TOX: variants seen among roughly 807,000 people sequenced by gnomAD.
The protein encoded by TOX is thymocyte selection associated high mobility group box, also known as thymocyte selection-associated high mobility group box protein TOX.
TOX carries 11 observed loss-of-function variants against 53.7 expected under a neutral mutation model. That is an observed-to-expected ratio of 0.20 (90% CI 0.13 to 0.34). TOX has a LOEUF of 0.34. TOX is among the 10% of genes least tolerant of loss of function. The probability of loss-of-function intolerance (pLI) is 1.00; values close to 1 mark genes in which losing one functional copy is unlikely to be tolerated. For synonymous variants in TOX, 225 were observed against 245.3 expected, an observed-to-expected ratio of 0.92 and a Z score of 0.77; for missense variants, 570 against 664.6, an observed-to-expected ratio of 0.86 and a Z score of 1.56.
intron 1 of TOX, among the ~76,000 whole-genome samples, chr8:59,018,925 T>C (rs1814067625): frequency 6.6e-6 from 1 of 152,192 alleles, no homozygotes; most frequent in South Asian, 2.1e-4. Context: ...CATGGTTGAT[T>C]CTCAATGATT....
At chr8:59,024,532 C>A (rs1814200704) in intron 1 of TOX, among the ~76,000 whole-genome samples, 1 of 152,158 alleles carries the variant, frequency 6.6e-6, no homozygotes, top group Non-Finnish European at 1.5e-5. Context: ...ATCCTACATA[C>A]CTGTCAGGCT....
chr8:58,981,071 T>G (rs1259521153), intron 1 of TOX, among the ~76,000 whole-genome samples: 1 of 152,244 alleles, frequency 6.6e-6, no homozygotes, highest in Non-Finnish European at 1.5e-5. Context: ...AGCTTCATTT[T>G]CTTGTTGTTG....
At chr8:59,014,579 G>A (rs569485215) in intron 1 of TOX, among the ~76,000 whole-genome samples, 1 of 152,222 alleles carries the variant, frequency 6.6e-6, no homozygotes, top group African/African-American at 2.4e-5. Flanking sequence ...AACTTGTGAA[G>A]AGTGGATGGA....
intron 2 of TOX, among the ~76,000 whole-genome samples, chr8:58,951,069 TA>T (rs766462314): frequency 4.7e-4 from 72 of 152,328 alleles, no homozygotes; most frequent in Admixed American, 7.8e-4. Flanking sequence ...GTTATCTCAA[TA>T]CTCTAGAATT....
rs1309691239 is a variant in TOX, at chr8:58,826,877, G to A, written c.950C>T (p.Ala317Val). Residue 317 changes from alanine to valine, a missense_variant, in exon 6 of 9, where the codon GCG becomes GTG. Ala to Val is a moderately conservative substitution (Grantham distance 64). This residue lies in a region of TOX where 49 missense variants were observed against 98.9 expected (regional missense o/e 0.50). Coordinates refer to ENST00000361421, the MANE Select transcript of TOX (RefSeq NM_014729.3). ...KQVYKKKTEAAKKEYLKQLAA... is the reference protein window; with the variant it reads ...KQVYKKKTEAVKKEYLKQLAA... ...GAGTTGCTTCAGGTACTCCTTCTTC[G>A]CAGCCTCGGTTTTCTTTTTATAGAC... 3.1e-6 allele frequency: 5 copies of A among 1,611,542 alleles called. No homozygotes were observed. The highest frequency in any genetic ancestry group is 2.2e-5 in the South Asian group (2 of 90,768).
At chr8:58,915,634 A>G (rs1231546916) in intron 3 of TOX, among the ~76,000 whole-genome samples, 2 of 145,900 alleles carry the variant, frequency 1.4e-5, no homozygotes, top group African/African-American at 5.1e-5. Context: ...AAACTCTAAA[A>G]CGCAGAGCGC....
chr8:58,851,539 G>C lies in TOX; in HGVS notation c.678C>G (p.Gly226=). ...TTATTCATACCTTAGAGGTATCATC[G>C]CCTTCATCTTCATGCACTGAACTGG... ...SPSSSVHEDE[G]DDTSKINGGE... is the part of the protein sequence containing the mutation. Residue 226 remains glycine, a synonymous_variant, in exon 4 of 9, where the codon GGC becomes GGG. Coordinates refer to ENST00000361421, the MANE Select transcript of TOX (RefSeq NM_014729.3). This position sits in a 1 kb window ranked among gnomAD's most constrained non-coding sequence, Gnocchi z 4.4. The C allele has an allele frequency of 6.2e-7, 1 of 1,612,824 alleles. No homozygotes were observed. The highest frequency in any genetic ancestry group is 8.5e-7 in the Non-Finnish European group (1 of 1,179,580).
chr8:58,869,243 A>AAAAAC, intron 3 of TOX, among the ~76,000 whole-genome samples: 1 of 151,248 alleles, frequency 6.6e-6, no homozygotes, highest in Non-Finnish European at 1.5e-5. Context: ...AAAAAAAAAA[A>AAAAAC]GCGTTAATAG....
chr8:59,038,187 T>C (rs572650462), intron 1 of TOX, among the ~76,000 whole-genome samples: 88 of 152,326 alleles, frequency 5.8e-4, no homozygotes, highest in Middle Eastern at 3.4e-3. Flanking sequence ...CTTTAAAATA[T>C]TACATTTCGA....
chr8:59,055,266 C>T (rs1483830123), intron 1 of TOX, among the ~76,000 whole-genome samples: 1 of 152,148 alleles, frequency 6.6e-6, no homozygotes, highest in Middle Eastern at 3.2e-3. Context: ...AGGAACCCTA[C>T]CCATGGATCA....
intron 1 of TOX, among the ~76,000 whole-genome samples, chr8:59,062,820 G>C (rs1419579184): frequency 2.0e-5 from 3 of 152,090 alleles, no homozygotes; most frequent in African/African-American, 7.2e-5. Context: ...GAGAGAAAGA[G>C]AGAAAGAAAG....
intron 1 of TOX, among the ~76,000 whole-genome samples, chr8:58,974,860 G>T (rs980585440): frequency 1.3e-5 from 2 of 151,998 alleles, no homozygotes; most frequent in Non-Finnish European, 2.9e-5. Context: ...ATTCTGAGTA[G>T]ATGGCACTAT....
At chr8:58,857,409 A>G (rs772298572) in intron 3 of TOX, among the ~76,000 whole-genome samples, 9 of 152,182 alleles carry the variant, frequency 5.9e-5, no homozygotes, top group Non-Finnish European at 1.3e-4. Flanking sequence ...CCATTTGAAA[A>G]TGGGTGCTAG....
At chr8:58,868,097 G>A (rs1205506783) in intron 3 of TOX, among the ~76,000 whole-genome samples, 3 of 152,248 alleles carry the variant, frequency 2.0e-5, no homozygotes, top group East Asian at 3.9e-4. Flanking sequence ...TCTTGTGATA[G>A]TGAATAAGTC....
chr8:58,945,066 A>T lies in TOX; in HGVS notation c.169-5522T>A, dbSNP rs528996512. On this transcript the variant is annotated intron_variant, in intron 2 of 8. Coordinates refer to ENST00000361421, the MANE Select transcript of TOX (RefSeq NM_014729.3). ...GGAACAGGGTGGCAAAGGAAGTGGA[A>T]GGTGCCAAGAATTACTGCATGTGCA... Among the ~76,000 whole-genome samples the T allele has an allele frequency of 4.6e-5, 7 of 152,332 alleles. No homozygotes were observed. The South Asian group carries it at 1.4e-3, about 32-fold the overall frequency.
intron 1 of TOX, among the ~76,000 whole-genome samples, chr8:59,012,665 C>A (rs987877762): frequency 4.6e-5 from 7 of 152,078 alleles, no homozygotes; most frequent in Non-Finnish European, 8.8e-5. Flanking sequence ...CACATTAATC[C>A]TCATAATTTT....
chr8:58,808,845 T>C (rs1485279555), intron 7 of TOX, among the ~76,000 whole-genome samples: 1 of 152,252 alleles, frequency 6.6e-6, no homozygotes, highest in African/African-American at 2.4e-5. Context: ...GTTGTTGGAC[T>C]AATACAGGGA....
In TOX at chr8:58,824,673, T is replaced by C. The variant is rs1489338612; in HGVS notation, c.1005+2149A>G. On this transcript the variant is annotated intron_variant, in intron 6 of 8. Coordinates refer to ENST00000361421, the MANE Select transcript of TOX (RefSeq NM_014729.3). ...TAAGCAGATCTCTTGCTTTATCTCC[T>C]CCAGAATACTTGGATTCTCAAATCT... Among the ~76,000 whole-genome samples, 4 of 152,206 alleles carry C rather than the reference T, an allele frequency of 2.6e-5. No homozygotes were observed. The East Asian group carries it at 7.7e-4, about 29-fold the overall frequency.
At chr8:59,116,143 TC>T (rs1256999837) in intron 1 of TOX, among the ~76,000 whole-genome samples, 1 of 152,204 alleles carries the variant, frequency 6.6e-6, no homozygotes, top group Non-Finnish European at 1.5e-5. Context: ...AGATACTGGT[TC>T]CGCTGGGATT....
Sources: gnomAD v4.1 joint callset for allele counts (sites outside exome capture counted in the v4.1 genomes callset) on GRCh38, gnomAD v4.1.1 for gene constraint, gnomAD v4.1.1 regional missense constraint, Gnocchi (gnomAD v3.1) non-coding constraint, MANE v1.5 for transcripts, NCBI Gene and HGNC (gene_info 2026-07-23, HGNC 2026-07-21) for gene names.